The following NMRK1 variants were observed in gnomAD, a reference collection of about 807,000 sequenced individuals.
NMRK1 encodes NRK 1.
In NMRK1, 28 loss-of-function variants were observed where a neutral mutation model predicts 29.9. The observed-to-expected ratio is 0.94, with a 90% confidence interval of 0.69 to 1.28. NMRK1 has a LOEUF of 1.28. Among genes scored for constraint, NMRK1 ranks in the 50% most tolerant of loss-of-function variants. The pLI, the probability that NMRK1 is intolerant of heterozygous loss-of-function variation, is 0.00. For missense variants in NMRK1, 218 were observed against 233.1 expected (o/e 0.94, Z 0.42); for synonymous variants, 58 against 73.0 (o/e 0.79, Z 1.05).
intron 4 of NMRK1, among the ~76,000 whole-genome samples, chr9:75,072,651 C>A (rs1329650067): frequency 6.6e-6 from 1 of 152,126 alleles, no homozygotes; most frequent in Non-Finnish European, 1.5e-5. Context: ...CTGACTTCTG[C>A]ATATCTTTGA....
rs773159 is a variant in NMRK1, at chr9:75,061,172, T to C, written c.*376A>G. On this transcript the variant is annotated 3_prime_UTR_variant, in exon 9 of 9. Transcript: ENST00000361092. ...ACATACACACCTACACACAAATACA[T>C]AAACATACACAATGAATTCCACAGA... is the stretch of plus-strand genomic sequence containing the variant. 0.78 allele frequency: 163,226 copies of C among 209,314 alleles called. 63,931 individuals are homozygous for C. The highest frequency in any genetic ancestry group is 0.83 in the Admixed American group (15,827 of 19,090). 13.0% of individuals were successfully genotyped at this position (209,314 alleles called of 1,614,324 possible). A position where few individuals can be genotyped will look rare whatever the true frequency, so the allele number is the denominator to read the frequency against.
At chr9:75,061,632 A>C (rs1823025826) in intron 8 of NMRK1, 65 bp from the exon 9 acceptor site, 2 of 1,307,832 alleles carry the variant, frequency 1.5e-6, no homozygotes, top group Non-Finnish European at 2.2e-6. Context: ...AAATCTTTAC[A>C]TCAACAACAG....
intron 2 of NMRK1, among the ~76,000 whole-genome samples, chr9:75,082,506 T>C (rs539909739): frequency 3.2e-4 from 48 of 152,258 alleles, no homozygotes; most frequent in African/African-American, 1.1e-3. Context: ...AAACAAATAA[T>C]GTCATTTTCA....
At position 75,077,255 on chromosome 9, in the gene NMRK1, T is replaced by A. The variant is rs200654265; in HGVS notation, c.121-48A>T. ...ATCAAAACAGTGTGTAGGAAAGAAA[T>A]AATACAATTATAGACTAAAAAGGAG... On this transcript the variant is annotated intron_variant, in intron 3 of 8. Transcript: ENST00000361092. 823 of 1,254,590 alleles carry A rather than the reference T, an allele frequency of 6.6e-4. 4 individuals are homozygous for A. The African/African-American group carries it at 0.011, about 17-fold the overall frequency. The allele number at this position is 1,254,590 out of a possible 1,614,324, so 77.7% of individuals were successfully genotyped here.
intron 2 of NMRK1, among the ~76,000 whole-genome samples, chr9:75,081,108 A>G (rs1261539712): frequency 6.6e-6 from 1 of 152,098 alleles, no homozygotes; most frequent in Non-Finnish European, 1.5e-5. Flanking sequence ...TTCCTTCAGA[A>G]CCCCTGTTAT....
chr9:75,077,587 C>A lies in NMRK1; in HGVS notation c.30-7G>T, dbSNP rs1412530089. The A allele has an allele frequency of 6.3e-6, 10 of 1,598,164 alleles. No homozygotes were observed. The highest frequency in any genetic ancestry group is 8.5e-6 in the Non-Finnish European group (10 of 1,171,112). ...TTTGCCACTGTTTGTCACACTGAAGCAAAGAAAAAAGAAAGTACCAAGAAG... is the reference window on the plus strand; with the variant it reads ...TTTGCCACTGTTTGTCACACTGAAGAAAAGAAAAAAGAAAGTACCAAGAAG... On this transcript the variant is annotated splice_polypyrimidine_tract_variant and splice_region_variant and intron_variant, in intron 2 of 8. Coordinates refer to ENST00000361092, the MANE Select transcript of NMRK1 (RefSeq NM_017881.3).
intron 7 of NMRK1, among the ~76,000 whole-genome samples, chr9:75,068,192 A>G (rs760972824): frequency 1.2e-4 from 19 of 152,098 alleles, no homozygotes; most frequent in Non-Finnish European, 2.2e-4. Context: ...CGGGCGTCCA[A>G]CATCACACCC....
chr9:75,078,580 T>C, intron 2 of NMRK1: 1 of 1,259,984 alleles, frequency 7.9e-7, no homozygotes, highest in Non-Finnish European at 1.0e-6. Flanking sequence ...CTGGGGCTCA[T>C]GTCTGTGAAC....
intron 1 of NMRK1, among the ~76,000 whole-genome samples, chr9:75,086,114 C>CT (rs1294939557): frequency 1.3e-5 from 2 of 152,054 alleles, no homozygotes; most frequent in African/African-American, 4.8e-5. Flanking sequence ...TGAGCCATGA[C>CT]TGTGCCACTG....
Position 75,083,128 on chromosome 9 carries a change from A to T in NMRK1, c.-13T>A. The T allele has an allele frequency of 6.4e-7, 1 of 1,572,670 alleles. No homozygotes were observed. Among genetic ancestry groups the T allele is most frequent in the Non-Finnish European group, 8.8e-7 (1 of 1,142,280 alleles). ...TAAATGTTTTCATAATTAGCTTTGA[A>T]AATCACAGCTTCCTAATATTTCCTA... is the stretch of plus-strand genomic sequence containing the variant. On this transcript the variant is annotated 5_prime_UTR_variant, in exon 2 of 9. Transcript: ENST00000361092.
intron 3 of NMRK1, 50 bp downstream of exon 3, chr9:75,077,439 TG>T (rs2118174247): frequency 8.0e-7 from 1 of 1,254,856 alleles, no homozygotes; most frequent in Non-Finnish European, 1.2e-6. Flanking sequence ...ATTAACGTGG[TG>T]GTTAAACATT....
chr9:75,077,676 C>G (rs1587391632), intron 2 of NMRK1, 96 bp from the exon 3 acceptor site: 1 of 850,408 alleles, frequency 1.2e-6, no homozygotes, highest in Admixed American at 2.0e-5. Flanking sequence ...CGCTGTGTCA[C>G]CAAGGCTGGA....
intron 1 of NMRK1, 32 bp from the exon 2 acceptor site, chr9:75,083,182 A>C (rs1824418675): frequency 1.8e-6 from 2 of 1,125,108 alleles, no homozygotes; most frequent in African/African-American, 3.0e-5. Flanking sequence ...AACAAATCAA[A>C]TGCATTTCAT....
At chr9:75,085,722 G>A (rs1288588318) in intron 1 of NMRK1, among the ~76,000 whole-genome samples, 2 of 123,514 alleles carry the variant, frequency 1.6e-5, no homozygotes, top group African/African-American at 6.0e-5. Context: ...ACAGTCAAAT[G>A]TAAGTTTTTT....
intron 1 of NMRK1, among the ~76,000 whole-genome samples, chr9:75,086,569 T>C (rs1824646133): frequency 6.6e-6 from 1 of 152,240 alleles, no homozygotes; most frequent in African/African-American, 2.4e-5. Flanking sequence ...GTGTGTTTAT[T>C]ATGCTTAATT....
chr9:75,076,548 A>G (rs1823998656), intron 4 of NMRK1, among the ~76,000 whole-genome samples: 1 of 152,240 alleles, frequency 6.6e-6, no homozygotes, highest in African/African-American at 2.4e-5. Context: ...GAAAAAGAAG[A>G]AAAATCTATC....
intron 4 of NMRK1, among the ~76,000 whole-genome samples, chr9:75,070,623 T>C (rs2118084220): frequency 6.6e-6 from 1 of 152,358 alleles, no homozygotes; most frequent in African/African-American, 2.4e-5. Flanking sequence ...TTTAAAAGTA[T>C]GGTACTTAAA....
At chr9:75,067,033 G>A in intron 7 of NMRK1, 193 bp from the exon 8 acceptor site, 1 of 453,746 alleles carries the variant, frequency 2.2e-6, no homozygotes, top group Non-Finnish European at 3.9e-6. Context: ...CAAAAATATT[G>A]GATTGTTACA....
intron 1 of NMRK1, among the ~76,000 whole-genome samples, chr9:75,087,013 C>T (rs2118301596): frequency 6.6e-6 from 1 of 151,150 alleles, no homozygotes; most frequent in South Asian, 2.1e-4. Flanking sequence ...TCAAGTGATT[C>T]TCCTGCCCCA....
Sources: gnomAD v4.1 joint callset for allele counts (sites outside exome capture counted in the v4.1 genomes callset) on GRCh38, gnomAD v4.1.1 for gene constraint, MANE v1.5 for transcripts, NCBI Gene and HGNC (gene_info 2026-07-23, HGNC 2026-07-21) for gene names.